The following INTS10 variants were observed in gnomAD, a reference collection of about 807,000 sequenced individuals.
INTS10 encodes the protein chromosome 8 open reading frame 35.
Under a neutral mutation model 94.4 loss-of-function variants are expected in INTS10, and 44 were observed. The observed-to-expected ratio is 0.47, with a 90% CI of 0.37 to 0.60. INTS10 has a LOEUF of 0.60. Ranked by LOEUF, INTS10 falls within the 20% of genes least tolerant of loss-of-function variation. The probability of loss-of-function intolerance (pLI) is 0.00; values close to 1 mark genes in which losing one functional copy is unlikely to be tolerated. For missense variants in INTS10, 797 were observed against 868.7 expected (o/e 0.92, Z 1.04); for synonymous variants, 341 against 320.7 (o/e 1.06, Z -0.68).
At chr8:19,825,780 T>C (rs553037235) in intron 8 of INTS10, among the ~76,000 whole-genome samples, 5 of 152,320 alleles carry the variant, frequency 3.3e-5, no homozygotes, top group African/African-American at 1.2e-4. Context: ...TTGGAATTTG[T>C]AACCATAATG....
At position 19,817,444 on chromosome 8, in the gene INTS10, G is replaced by T; in HGVS notation, c.-94G>T. ...CATGCGCAGTAGCCTCCCCCGCGGT[G>T]GCGGCGGCGGCGGCGGTGGCTGCCG... is the stretch of plus-strand genomic sequence containing the variant. On this transcript the variant is annotated 5_prime_UTR_variant, in exon 1 of 17. Transcript: ENST00000397977. The T allele has an allele frequency of 7.2e-7, 1 of 1,391,464 alleles. No homozygotes were observed. Among genetic ancestry groups the T allele is most frequent in the Non-Finnish European group, 9.6e-7 (1 of 1,040,574 alleles). 86.2% of individuals were successfully genotyped at this position (1,391,464 alleles called of 1,614,324 possible). A position where few individuals can be genotyped will look rare whatever the true frequency, so the allele number is the denominator to read the frequency against.
chr8:19,837,946 G>A (rs570257133), intron 13 of INTS10, among the ~76,000 whole-genome samples: 1 of 151,944 alleles, frequency 6.6e-6, no homozygotes, highest in Non-Finnish European at 1.5e-5. Context: ...AAATCAAAAG[G>A]ACAGTAAAGG....
At chr8:19,844,685 T>C (rs1312212456) in intron 15 of INTS10, among the ~76,000 whole-genome samples, 1 of 152,150 alleles carries the variant, frequency 6.6e-6, no homozygotes, top group Non-Finnish European at 1.5e-5. Flanking sequence ...TACCAATGAG[T>C]ACCCACCAGA....
At chr8:19,822,263 AG>A (rs2066438546) in intron 4 of INTS10, 175 bp from the exon 5 acceptor site, 1 of 483,680 alleles carries the variant, frequency 2.1e-6, no homozygotes. Flanking sequence ...TTGGCCTTCT[AG>A]GGTGTGTGGC....
intron 5 of INTS10, 79 bp from the exon 6 acceptor site, chr8:19,823,222 C>A: frequency 9.1e-7 from 1 of 1,093,156 alleles, no homozygotes; most frequent in African/African-American, 1.6e-5. Flanking sequence ...ATCAAATGAA[C>A]TCTGAAAGCT....
At chr8:19,835,672 C>T (rs368276211) in intron 12 of INTS10, among the ~76,000 whole-genome samples, 15 of 152,290 alleles carry the variant, frequency 9.8e-5, no homozygotes, top group East Asian at 9.7e-4. Flanking sequence ...CAGGCCTATC[C>T]AACTCCAGAG....
chr8:19,850,402 C>T (rs568904553), intron 16 of INTS10, among the ~76,000 whole-genome samples: 63 of 152,258 alleles, frequency 4.1e-4, no homozygotes, highest in African/African-American at 1.3e-3. Flanking sequence ...ACCCCACGGC[C>T]CTGCTGTTTT....
chr8:19,837,983 A>G (rs114186097), intron 13 of INTS10, among the ~76,000 whole-genome samples: 1,809 of 152,342 alleles, frequency 0.012, 44 homozygotes, highest in African/African-American at 0.042. Flanking sequence ...CTTTATGCCA[A>G]TAAATTTAAC....
chr8:19,823,063 T>G (rs1326188143), intron 5 of INTS10, among the ~76,000 whole-genome samples: 11 of 152,156 alleles, frequency 7.2e-5, no homozygotes. Flanking sequence ...AATAAACATC[T>G]GAATTCAATG....
intron 3 of INTS10, among the ~76,000 whole-genome samples, 162 bp from the exon 4 acceptor site, chr8:19,820,217 C>G (rs1358126537): frequency 6.6e-6 from 1 of 152,214 alleles, no homozygotes; most frequent in Non-Finnish European, 1.5e-5. Context: ...GTGCCAGATA[C>G]TATTGGCTCC....
In INTS10 at chr8:19,851,590, G is replaced by C. The variant is rs374978168; in HGVS notation, c.1977-59G>C. 1 of 1,513,576 alleles carries C rather than the reference G, an allele frequency of 6.6e-7. No homozygotes were observed. The highest frequency in any genetic ancestry group is 1.4e-5 in the African/African-American group (1 of 72,776). The allele number at this position is 1,513,576 out of a possible 1,614,324, so 93.8% of individuals were successfully genotyped here. On this transcript the variant is annotated intron_variant, in intron 16 of 16. Transcript: ENST00000397977. This position sits in a 1 kb window ranked among gnomAD's most constrained non-coding sequence, Gnocchi z 5.0. ...GCTTTATTCCTACCCAAGTAGCAGC[G>C]ATCAGCGATGCTGGTGCTAACCCCT...
intron 8 of INTS10, 100 bp downstream of exon 8, chr8:19,825,072 C>T: frequency 2.9e-6 from 3 of 1,017,212 alleles, no homozygotes; most frequent in Non-Finnish European, 4.5e-6. Context: ...ATCCGAATAA[C>T]TGTGGGGCAG....
At chr8:19,847,993 G>C (rs184099926) in intron 16 of INTS10, among the ~76,000 whole-genome samples, 2 of 152,314 alleles carry the variant, frequency 1.3e-5, no homozygotes, top group African/African-American at 4.8e-5. Flanking sequence ...AGCAGGAATA[G>C]GGATTATTCC....
Position 19,831,358 on chromosome 8 carries a change from T to C in INTS10, c.1295-670T>C, listed in dbSNP as rs80324585. On this transcript the variant is annotated intron_variant, in intron 10 of 16. Transcript: ENST00000397977. ...TTTTTTAAAAATGAATAAAACCTTT[T>C]AGTGTCATTGTATGTTTGTTATTTT... is the stretch of plus-strand genomic sequence containing the variant. Among the ~76,000 whole-genome samples, 520 of 152,320 alleles carry C rather than the reference T, an allele frequency of 3.4e-3. 2 individuals are homozygous for C. Among genetic ancestry groups the C allele is most frequent in the South Asian group, 0.01 (50 of 4,828 alleles).
intron 9 of INTS10, among the ~76,000 whole-genome samples, chr8:19,830,042 A>G (rs1414657433): frequency 6.6e-6 from 1 of 152,232 alleles, no homozygotes; most frequent in Non-Finnish European, 1.5e-5. Context: ...CGTATTAGAA[A>G]AAAAAGTAAA....
rs368474538 is a variant in INTS10, at chr8:19,819,710, G to C, written c.301+34G>C. ...AATGGTGTATAAGTTACCATTTCGGGAATACCAAATCATATATAGTAATTT... is the reference window on the plus strand; with the variant it reads ...AATGGTGTATAAGTTACCATTTCGGCAATACCAAATCATATATAGTAATTT... On this transcript the variant is annotated intron_variant, in intron 3 of 16. Coordinates refer to ENST00000397977, the MANE Select transcript of INTS10 (RefSeq NM_018142.4). 12 of 1,463,818 alleles carry C rather than the reference G, an allele frequency of 8.2e-6. No homozygotes were observed. In the African/African-American group the frequency reaches 1.4e-4, roughly 17 times the overall value. 90.7% of individuals were successfully genotyped at this position (1,463,818 alleles called of 1,614,324 possible).
At chr8:19,839,569 T>C (rs2067952606) in intron 13 of INTS10, among the ~76,000 whole-genome samples, 1 of 151,826 alleles carries the variant, frequency 6.6e-6, no homozygotes, top group South Asian at 2.1e-4. Flanking sequence ...CTTAGTGGTG[T>C]GCACCTGTAG....
chr8:19,848,343 G>A (rs1193415519), intron 16 of INTS10, among the ~76,000 whole-genome samples: 1 of 152,160 alleles, frequency 6.6e-6, no homozygotes, highest in African/African-American at 2.4e-5. Flanking sequence ...AACACTGAGG[G>A]CACCCGGTGC....
chr8:19,836,923 A>G, intron 12 of INTS10, 129 bp from the exon 13 acceptor site: 2 of 649,570 alleles, frequency 3.1e-6, no homozygotes, highest in Non-Finnish European at 5.6e-6. Flanking sequence ...TAATGATCAC[A>G]TAGAGAGGTA....
Sources: allele counts gnomAD v4.1 joint callset (sites outside exome capture counted in the v4.1 genomes callset), GRCh38; gene constraint gnomAD v4.1.1; non-coding constraint Gnocchi (gnomAD v3.1); transcripts MANE v1.5; gene names NCBI Gene and HGNC (gene_info 2026-07-23, HGNC 2026-07-21).